The following ATPAF2 variants were observed in gnomAD, a reference collection of about 807,000 sequenced individuals.
ATPAF2 encodes ATP synthase mitochondrial F1 complex assembly factor 2.
ATPAF2 carries 30 observed loss-of-function variants against 36.6 expected under a neutral mutation model. The ratio of observed to expected loss-of-function variants is 0.82; its 90% CI spans 0.61 to 1.11. The LOEUF is 1.11. ATPAF2 is among the 50% of genes most tolerant of loss of function. ATPAF2 has a pLI of 0.00. For synonymous variants in ATPAF2, 140 were observed against 152.6 expected, an observed-to-expected ratio of 0.92 and a Z score of 0.61; for missense variants, 321 against 372.3, an observed-to-expected ratio of 0.86 and a Z score of 1.13.
Position 18,027,252 on chromosome 17 carries a change from T to TA in ATPAF2, c.325-837dup, listed in dbSNP as rs562302629. ...AAAAAGATCTTTTTTTTTCCAGACT[T>TA]ACCTTGTCAATAATAGGCTGCTTAG... On this transcript the variant is annotated intron_variant, in intron 3 of 7. Coordinates refer to ENST00000474627, the MANE Select transcript of ATPAF2 (RefSeq NM_145691.4). Among the ~76,000 whole-genome samples the TA allele has an allele frequency of 2.9e-3, 443 of 152,078 alleles. 3 individuals carry two copies. The highest frequency in any genetic ancestry group is 5.2e-3 in the Non-Finnish European group (352 of 67,952).
intron 3 of ATPAF2, 136 bp downstream of exon 3, chr17:18,028,096 T>C (rs2145502761): frequency 9.9e-7 from 1 of 1,014,966 alleles, no homozygotes; most frequent in Admixed American, 1.7e-5. Context: ...GTTAGTGACT[T>C]GAGAGGAGGT....
intron 1 of ATPAF2, among the ~76,000 whole-genome samples, chr17:18,035,154 A>G (rs1297886143): frequency 6.6e-6 from 1 of 152,090 alleles, no homozygotes; most frequent in Non-Finnish European, 1.5e-5. Context: ...ACTTGAGCCC[A>G]GGAGTTTGAG....
intron 4 of ATPAF2, among the ~76,000 whole-genome samples, chr17:18,025,916 G>T (rs1190103378): frequency 1.3e-5 from 2 of 152,146 alleles, no homozygotes; most frequent in Non-Finnish European, 2.9e-5. Context: ...AGACACAGAG[G>T]AGAATTCAGA....
At chr17:18,038,522 C>G (rs1269672808) in intron 1 of ATPAF2, among the ~76,000 whole-genome samples, 2 of 152,220 alleles carry the variant, frequency 1.3e-5, no homozygotes, top group East Asian at 3.8e-4. Context: ...ACAGACACCA[C>G]AAACCTCTGA....
At chr17:18,027,995 T>G (rs2044572397) in intron 3 of ATPAF2, 1 of 572,650 alleles carries the variant, frequency 1.7e-6, no homozygotes, top group Non-Finnish European at 3.1e-6. Flanking sequence ...ACATCTGTCC[T>G]GAAACCAAAG....
At chr17:18,036,384 A>G (rs1176237011) in intron 1 of ATPAF2, among the ~76,000 whole-genome samples, 1 of 151,952 alleles carries the variant, frequency 6.6e-6, no homozygotes, top group Non-Finnish European at 1.5e-5. Context: ...GACCATCCAG[A>G]CTAACATGGT....
Position 18,039,080 on chromosome 17 carries a change from C to A in ATPAF2, c.-67G>T. 1 of 1,548,210 alleles carries A rather than the reference C, an allele frequency of 6.5e-7. No homozygotes were observed. Among genetic ancestry groups the A allele is most frequent in the Non-Finnish European group, 8.7e-7 (1 of 1,146,602 alleles). The stretch of plus-strand genomic sequence containing the variant: ...AGCAGGAAACACAGAGCGATGGGAT[C>A]CCCAAAGCCGCACGGTCGGGCTGTA... On this transcript the variant is annotated 5_prime_UTR_variant, in exon 1 of 8. Transcript: ENST00000474627. This position sits in a 1 kb window ranked among gnomAD's most constrained non-coding sequence, Gnocchi z 5.3.
At chr17:18,029,641 A>T (rs1200475549) in intron 1 of ATPAF2, among the ~76,000 whole-genome samples, 1 of 150,824 alleles carries the variant, frequency 6.6e-6, no homozygotes, top group African/African-American at 2.4e-5. Flanking sequence ...CCCAGGCTGG[A>T]GTGTAGTGGT....
chr17:18,026,631 C>T (rs1195267395), intron 3 of ATPAF2: 6 of 597,002 alleles, frequency 1.0e-5, no homozygotes, highest in Non-Finnish European at 1.8e-5. Context: ...TCACAGGACT[C>T]GAGGGAAGCT....
chr17:18,017,278 C>T (rs114270354), downstream of ATPAF2, among the ~76,000 whole-genome samples: 1,169 of 150,146 alleles, frequency 7.8e-3, 20 homozygotes, highest in African/African-American at 0.027. Context: ...CAGAGCAACT[C>T]CCAAGGGCAC....
intron 1 of ATPAF2, among the ~76,000 whole-genome samples, chr17:18,031,614 A>C (rs1182986753): frequency 6.6e-6 from 1 of 151,940 alleles, no homozygotes; most frequent in Non-Finnish European, 1.5e-5. Context: ...CCCCATCTCT[A>C]CTAAAAATAC....
downstream of ATPAF2, chr17:18,015,454 C>A (rs995158016): frequency 6.6e-6 from 1 of 152,588 alleles, no homozygotes; most frequent in African/African-American, 2.4e-5. Context: ...AGTGTCAACA[C>A]CTAGAACCAG....
At chr17:18,019,917 T>C (rs1427700543) in intron 7 of ATPAF2, among the ~76,000 whole-genome samples, 1 of 152,218 alleles carries the variant, frequency 6.6e-6, no homozygotes. Context: ...TTGGGTCCCA[T>C]AGTCAGAAGC....
intron 1 of ATPAF2, 82 bp downstream of exon 1, chr17:18,038,799 T>C: frequency 6.3e-7 from 1 of 1,586,442 alleles, no homozygotes; most frequent in Admixed American, 1.7e-5. Flanking sequence ...CTGCCTCAGT[T>C]ACTTCGCTTT....
At chr17:18,025,796 G>A (rs1195648657) in intron 4 of ATPAF2, among the ~76,000 whole-genome samples, 1 of 152,210 alleles carries the variant, frequency 6.6e-6, no homozygotes, top group African/African-American at 2.4e-5. Flanking sequence ...GTCATCGTGA[G>A]ATGACTCAGG....
At chr17:18,028,047 C>T (rs112689353) in intron 3 of ATPAF2, 185 bp downstream of exon 3, 17 of 708,262 alleles carry the variant, frequency 2.4e-5, no homozygotes, top group African/African-American at 1.7e-4. Context: ...GGAGAGAGAG[C>T]TGCAAGTAGC....
rs935451546 is a variant in ATPAF2 at position 18,039,118 on chromosome 17, A to G, written c.-105T>C. On this transcript the variant is annotated 5_prime_UTR_variant, in exon 1 of 8. Coordinates refer to ENST00000474627, the MANE Select transcript of ATPAF2 (RefSeq NM_145691.4). The surrounding 1 kb of genome is among the most constrained non-coding windows in gnomAD (Gnocchi z 5.3). ...CGGTCGGGCTGTACGGAAACCTCTC[A>G]ACGCCTCCTCAGAGCCCTCAACCTC... 6.3e-5 allele frequency: 93 copies of G among 1,478,882 alleles called. No individual in the cohort carries two copies. The highest frequency in any genetic ancestry group is 8.1e-5 in the Non-Finnish European group (88 of 1,091,754). The allele number at this position is 1,478,882 out of a possible 1,614,324, so 91.6% of individuals were successfully genotyped here.
downstream of ATPAF2, chr17:18,015,072 G>C (rs2044307611): frequency 6.6e-6 from 1 of 152,176 alleles, no homozygotes; most frequent in Non-Finnish European, 1.5e-5. Flanking sequence ...AAAGCTTAAA[G>C]GGTTTATTTT....
chr17:18,021,996 C>G, intron 5 of ATPAF2, 139 bp from the exon 6 acceptor site: 1 of 753,414 alleles, frequency 1.3e-6, no homozygotes, highest in Non-Finnish European at 2.3e-6. Flanking sequence ...ACAGGAGCAA[C>G]TGCCACCATG....
Sources: gnomAD v4.1 joint callset for allele counts (sites outside exome capture counted in the v4.1 genomes callset) on GRCh38, gnomAD v4.1.1 for gene constraint, Gnocchi (gnomAD v3.1) non-coding constraint, MANE v1.5 for transcripts, NCBI Gene and HGNC (gene_info 2026-07-23, HGNC 2026-07-21) for gene names.